FGF14: variants seen among roughly 807,000 people sequenced by gnomAD.
The protein encoded by FGF14 is fibroblast growth factor 14.
A neutral mutation model predicts 25.5 loss-of-function variants in FGF14; 5 were observed. That is an observed-to-expected ratio of 0.20 (90% confidence interval 0.10 to 0.41). FGF14 has a LOEUF of 0.41. Ranked by LOEUF, FGF14 falls within the 10% of genes least tolerant of loss-of-function variation. The pLI is 1.00. For missense variants in FGF14, 222 were observed against 320.1 expected (o/e 0.69, Z 2.34); for synonymous variants, 138 against 118.3 (o/e 1.17, Z -1.08).
chr13:101,923,877 T>C (rs1299985733), intron 1 of FGF14, among the ~76,000 whole-genome samples: 3 of 152,120 alleles, frequency 2.0e-5, no homozygotes, highest in Admixed American at 1.3e-4. Flanking sequence ...CAATACCAGA[T>C]TGATACTAGC....
At chr13:102,303,476 G>C (rs1036692905) in intron 1 of FGF14, among the ~76,000 whole-genome samples, 1 of 152,124 alleles carries the variant, frequency 6.6e-6, no homozygotes, top group African/African-American at 2.4e-5. Context: ...ATAAAGAATT[G>C]CCAAATGAAT....
At chr13:102,379,575 A>G (rs1259171498) in intron 1 of FGF14, among the ~76,000 whole-genome samples, 1 of 152,016 alleles carries the variant, frequency 6.6e-6, no homozygotes, top group Admixed American at 6.6e-5. Context: ...AAAGAGAGAA[A>G]GAGAGATAGT....
rs148585041 is a variant in FGF14 at position 101,732,949 on chromosome 13, T to C, written c.409-6139A>G. On this transcript the variant is annotated intron_variant, in intron 3 of 4. Transcript: ENST00000376143. ...TTTATCTGAGGTCAGCAGAGATTTA[T>C]CCCAATCTCTTTCATCTTTTACAGT... Among the ~76,000 whole-genome samples the C allele has an allele frequency of 6.0e-3, 907 of 152,292 alleles. 16 individuals are homozygous for C. The highest frequency in any genetic ancestry group is 0.039 in the East Asian group (204 of 5,180).
chr13:102,083,272 T>C (rs2043724899), intron 1 of FGF14, among the ~76,000 whole-genome samples: 1 of 152,330 alleles, frequency 6.6e-6, no homozygotes, highest in East Asian at 1.9e-4. Context: ...CTCTGTTCCA[T>C]CCTTGTTTTC....
intron 1 of FGF14, among the ~76,000 whole-genome samples, chr13:102,041,231 A>G (rs977064971): frequency 3.9e-5 from 6 of 152,192 alleles, no homozygotes; most frequent in African/African-American, 1.4e-4. Context: ...TTATTTAAAA[A>G]GAATGTGCAT....
rs574132583 is a variant in FGF14, at chr13:101,960,677, G to C, written c.209-85381C>G. Among the ~76,000 whole-genome samples, 25 of 152,240 alleles carry C rather than the reference G, an allele frequency of 1.6e-4. 1 individual carries two copies. In the South Asian group the frequency reaches 3.3e-3, roughly 20 times the overall value. ...TACACGTATATATATCTTTACAATA[G>C]AATGATTTATAGTCCTTCGGGTGTA... is the stretch of plus-strand genomic sequence containing the variant. On this transcript the variant is annotated intron_variant, in intron 1 of 4. Coordinates refer to the FGF14 transcript ENST00000376131.
chr13:102,233,970 C>T (rs2051203966), intron 1 of FGF14, among the ~76,000 whole-genome samples: 1 of 152,178 alleles, frequency 6.6e-6, no homozygotes, highest in Admixed American at 6.5e-5. Context: ...AGACAACTGT[C>T]CACCTTACAT....
chr13:102,037,169 T>C (rs758857437), intron 1 of FGF14, among the ~76,000 whole-genome samples: 8 of 152,206 alleles, frequency 5.3e-5, no homozygotes, highest in Non-Finnish European at 1.2e-4. Context: ...GTATATCCTA[T>C]AGTTCTATTA....
intron 3 of FGF14, among the ~76,000 whole-genome samples, chr13:101,855,820 TTTC>T (rs1046831387): frequency 6.6e-6 from 1 of 151,802 alleles, no homozygotes; most frequent in Non-Finnish European, 1.5e-5. Context: ...CTGACATGGT[TTTC>T]TTTTTATGGT....
chr13:102,313,979 A>G (rs1407840113), intron 1 of FGF14, among the ~76,000 whole-genome samples: 1 of 152,238 alleles, frequency 6.6e-6, no homozygotes, highest in African/African-American at 2.4e-5. Context: ...CAACTCTGCC[A>G]GGCTGAGGCC....
rs185640658 is a variant in FGF14, at chr13:102,208,489, T to C, written c.208+192982A>G. Among the ~76,000 whole-genome samples the C allele has an allele frequency of 6.6e-5, 10 of 152,308 alleles. No individual in the cohort carries two copies. The East Asian group carries it at 1.9e-3, about 29-fold the overall frequency. ...TATCTTGTGAATATCATAAATACCA[T>C]GCACACAACAGATAGAAATTGCATA... is the stretch of plus-strand genomic sequence containing the variant. On this transcript the variant is annotated intron_variant, in intron 1 of 4. Transcript: ENST00000376131.
chr13:102,164,451 T>TG (rs1409438346), intron 1 of FGF14, among the ~76,000 whole-genome samples: 8 of 152,128 alleles, frequency 5.3e-5, no homozygotes, highest in African/African-American at 1.9e-4. Flanking sequence ...ACAATATCTT[T>TG]GGGAATTCAG....
chr13:102,353,205 TAC>T (rs1272529658), intron 1 of FGF14, among the ~76,000 whole-genome samples: 1 of 152,138 alleles, frequency 6.6e-6, no homozygotes, highest in Non-Finnish European at 1.5e-5. Flanking sequence ...ATAAAGAAAA[TAC>T]AGTTTGCTAA....
intron 1 of FGF14, among the ~76,000 whole-genome samples, chr13:101,889,203 T>A (rs569624827): frequency 6.2e-4 from 94 of 152,182 alleles, no homozygotes; most frequent in African/African-American, 2.1e-3. Flanking sequence ...TTTGTTAAGG[T>A]AGCCCCAGCA....
chr13:102,254,178 A>G (rs1471854279), intron 1 of FGF14, among the ~76,000 whole-genome samples: 1 of 152,232 alleles, frequency 6.6e-6, no homozygotes, highest in Non-Finnish European at 1.5e-5. Flanking sequence ...AACTTCCAAA[A>G]ATATAACATG....
At chr13:102,389,318 G>A (rs2058378365) in intron 1 of FGF14, among the ~76,000 whole-genome samples, 1 of 152,004 alleles carries the variant, frequency 6.6e-6, no homozygotes, top group Non-Finnish European at 1.5e-5. Context: ...TATCATATAG[G>A]ATGTATACTA....
intron 3 of FGF14, among the ~76,000 whole-genome samples, chr13:101,798,523 T>G (rs2040688537): frequency 6.6e-6 from 1 of 152,106 alleles, no homozygotes; most frequent in African/African-American, 2.4e-5. Flanking sequence ...AAAAAATATC[T>G]AAACTGAATA....
At chr13:102,177,669 G>C in intron 1 of FGF14, among the ~76,000 whole-genome samples, 1 of 151,962 alleles carries the variant, frequency 6.6e-6, no homozygotes, top group South Asian at 2.1e-4. Context: ...AAGTCTGCTT[G>C]AGTGATTTCT....
intron 1 of FGF14, among the ~76,000 whole-genome samples, chr13:102,043,748 C>T (rs921585447): frequency 3.3e-5 from 5 of 152,252 alleles, no homozygotes; most frequent in East Asian, 1.9e-4. Context: ...TTCCTTCCCA[C>T]GGTTCCAGCA....
Sources: gnomAD v4.1 joint callset for allele counts (sites outside exome capture counted in the v4.1 genomes callset) on GRCh38, gnomAD v4.1.1 for gene constraint, MANE v1.5 for transcripts, NCBI Gene and HGNC (gene_info 2026-07-23, HGNC 2026-07-21) for gene names.